Variants in FAM168B observed in about 807,000 individuals in gnomAD.
FAM168B encodes the protein myelin-associated neurite-outgrowth inhibitor.
A neutral mutation model predicts 21.8 loss-of-function variants in FAM168B; 19 were observed. The observed-to-expected ratio is 0.87, with a 90% confidence interval of 0.61 to 1.28. FAM168B has a LOEUF of 1.28. Ranked by LOEUF, FAM168B falls within the 50% of genes most tolerant of loss-of-function variation. FAM168B has a pLI of 0.00. For synonymous variants in FAM168B, 126 were observed against 104.8 expected (o/e 1.20, Z -1.24); for missense variants, 233 against 263.1 (o/e 0.89, Z 0.79).
Position 131,048,613 on chromosome 2 carries a change from T to C in FAM168B, c.*3852A>G, listed in dbSNP as rs553750238. 7 of 1,085,182 alleles carry C rather than the reference T, an allele frequency of 6.5e-6. No individual in the cohort carries two copies. The South Asian group carries it at 7.9e-5, about 12-fold the overall frequency. 67.2% of individuals were successfully genotyped at this position (1,085,182 alleles called of 1,614,324 possible). On this transcript the variant is annotated 3_prime_UTR_variant, in exon 7 of 7. Transcript: ENST00000389915. ...CCCAACTTCTGTGTTACTTGGTCAG[T>C]TGAGCCCCTGGAGCCCTCAGGACCT...
At chr2:131,090,794 T>C (rs550146066) in intron 1 of FAM168B, among the ~76,000 whole-genome samples, 282 of 152,260 alleles carry the variant, frequency 1.9e-3, no homozygotes, top group African/African-American at 6.4e-3. Flanking sequence ...AGTGGCACAA[T>C]CTCGGCTCAC....
intron 3 of FAM168B, among the ~76,000 whole-genome samples, chr2:131,069,554 C>T (rs1254889041): frequency 2.6e-5 from 4 of 151,646 alleles, no homozygotes; most frequent in Non-Finnish European, 4.4e-5. Context: ...AGTGCAGTGG[C>T]GCAATCTCGG....
chr2:131,060,944 C>A (rs758127068), intron 3 of FAM168B, among the ~76,000 whole-genome samples: 15 of 151,778 alleles, frequency 9.9e-5, no homozygotes, highest in Non-Finnish European at 1.8e-4. Context: ...CTCCGCCTCC[C>A]GGGTTCACGC....
Position 131,051,198 on chromosome 2 carries a change from T to G in FAM168B, c.*1267A>C, listed in dbSNP as rs116069859. 3.6e-4 allele frequency: 359 copies of G among 985,106 alleles called. No individual in the cohort carries two copies. The African/African-American group carries it at 5.7e-3, about 16-fold the overall frequency. 61.0% of individuals were successfully genotyped at this position (985,106 alleles called of 1,614,324 possible). ...CAGACAACAGACACTGGCCTCCCCCTCGCCCCATCTCTAAGCGTCCCCTCC... is the reference window on the plus strand; with the variant it reads ...CAGACAACAGACACTGGCCTCCCCCGCGCCCCATCTCTAAGCGTCCCCTCC... On this transcript the variant is annotated 3_prime_UTR_variant, in exon 7 of 7. Coordinates refer to ENST00000389915, the MANE Select transcript of FAM168B (RefSeq NM_001009993.4).
At chr2:131,082,529 A>G in intron 2 of FAM168B, 48 bp downstream of exon 2, 1 of 1,273,254 alleles carries the variant, frequency 7.9e-7, no homozygotes, top group African/African-American at 1.5e-5. Flanking sequence ...ATGAAAATAT[A>G]CCAAGTATTC....
At chr2:131,078,781 G>A (rs1693292056) in intron 2 of FAM168B, among the ~76,000 whole-genome samples, 3 of 151,582 alleles carry the variant, frequency 2.0e-5, no homozygotes, top group Non-Finnish European at 4.4e-5. Context: ...AGGAGTTTGA[G>A]ATCAGCCTGG....
At chr2:131,086,013 G>A (rs1260900927) in intron 1 of FAM168B, among the ~76,000 whole-genome samples, 1 of 152,182 alleles carries the variant, frequency 6.6e-6, no homozygotes, top group Non-Finnish European at 1.5e-5. Context: ...GTTCAGAGTA[G>A]GGAGGAAACA....
chr2:131,075,854 A>G (rs1693127310), intron 2 of FAM168B, among the ~76,000 whole-genome samples: 1 of 152,186 alleles, frequency 6.6e-6, no homozygotes, highest in Admixed American at 6.5e-5. Flanking sequence ...ATAGTATTTA[A>G]GATGGCATCA....
intron 3 of FAM168B, among the ~76,000 whole-genome samples, chr2:131,071,054 G>T (rs938362718): frequency 1.3e-5 from 2 of 152,188 alleles, no homozygotes; most frequent in African/African-American, 4.8e-5. Flanking sequence ...TAGTGGAAGT[G>T]GAAATGGAAA....
chr2:131,051,384 C>A lies in FAM168B; in HGVS notation c.*1081G>T, dbSNP rs1343244374. On this transcript the variant is annotated 3_prime_UTR_variant, in exon 7 of 7. Coordinates refer to ENST00000389915, the MANE Select transcript of FAM168B (RefSeq NM_001009993.4). ...CCCTTTTAACTCATTCTTAAATATACCACTTTCTTCATAACATACAGCTGA... is the reference window on the plus strand; with the variant it reads ...CCCTTTTAACTCATTCTTAAATATAACACTTTCTTCATAACATACAGCTGA... 2 of 984,904 alleles carry A rather than the reference C, an allele frequency of 2.0e-6. No homozygotes were observed. The highest frequency in any genetic ancestry group is 3.5e-5 in the African/African-American group (2 of 57,098). 61.0% of individuals were successfully genotyped at this position (984,904 alleles called of 1,614,324 possible).
At chr2:131,053,109 G>T in intron 5 of FAM168B, 94 bp from the exon 6 acceptor site, 3 of 1,431,406 alleles carry the variant, frequency 2.1e-6, no homozygotes, top group Non-Finnish European at 2.8e-6. Flanking sequence ...TTGCAAGGAG[G>T]AGGGTATACA....
chr2:131,077,528 C>A (rs1236504742), intron 2 of FAM168B, among the ~76,000 whole-genome samples: 1 of 152,190 alleles, frequency 6.6e-6, no homozygotes. Flanking sequence ...ATAGCCCCCC[C>A]AAAATGTTTA....
At chr2:131,060,998 CCCA>C (rs1429371367) in intron 3 of FAM168B, among the ~76,000 whole-genome samples, 1 of 151,470 alleles carries the variant, frequency 6.6e-6, no homozygotes, top group African/African-American at 2.4e-5. Context: ...ACTACAGGCG[CCCA>C]CCACCAAGCC....
chr2:131,083,146 G>A (rs761092431), intron 1 of FAM168B, among the ~76,000 whole-genome samples: 47 of 152,218 alleles, frequency 3.1e-4, no homozygotes, highest in Non-Finnish European at 5.7e-4. Flanking sequence ...ATGAGGTCAG[G>A]AGACCAAGAC....
intron 1 of FAM168B, among the ~76,000 whole-genome samples, chr2:131,086,474 C>T (rs967488483): frequency 1.3e-5 from 2 of 152,074 alleles, no homozygotes; most frequent in South Asian, 2.1e-4. Context: ...CAGCTGGATG[C>T]GGTGGTGCAC....
chr2:131,071,993 T>C, intron 2 of FAM168B, 55 bp from the exon 3 acceptor site: 2 of 1,502,408 alleles, frequency 1.3e-6, no homozygotes, highest in Non-Finnish European at 1.9e-6. Context: ...CGACAATCAC[T>C]AGAGCTCCTG....
chr2:131,066,605 C>G (rs764371621), intron 3 of FAM168B, among the ~76,000 whole-genome samples: 2 of 152,172 alleles, frequency 1.3e-5, no homozygotes, highest in Non-Finnish European at 2.9e-5. Flanking sequence ...GTTACAGGTA[C>G]TTGTGACTCT....
At chr2:131,056,101 C>T (rs1573752262) in intron 3 of FAM168B, among the ~76,000 whole-genome samples, 2 of 152,144 alleles carry the variant, frequency 1.3e-5, no homozygotes, top group East Asian at 1.9e-4. Flanking sequence ...AAGCAATACA[C>T]ATGGATCTAT....
intron 5 of FAM168B, among the ~76,000 whole-genome samples, chr2:131,054,206 CT>C (rs964848080): frequency 6.9e-6 from 1 of 145,082 alleles, no homozygotes; most frequent in African/African-American, 2.6e-5. Flanking sequence ...GAGACCCTGT[CT>C]TAAAAAAAAA....
Sources: allele counts gnomAD v4.1 joint callset (sites outside exome capture counted in the v4.1 genomes callset), GRCh38; gene constraint gnomAD v4.1.1; transcripts MANE v1.5; gene names NCBI Gene and HGNC (gene_info 2026-07-23, HGNC 2026-07-21).